Variants in TH observed in about 807,000 individuals in gnomAD.
The protein encoded by TH is tyrosine 3-monooxygenase.
In TH, 49 loss-of-function variants were observed where a neutral mutation model predicts 57.4. The observed-to-expected ratio is 0.85, with a 90% CI of 0.68 to 1.08. TH has a LOEUF of 1.08. Among genes scored for constraint, TH ranks in the 50% least tolerant of loss-of-function variants. The pLI is 0.00. For missense variants in TH, 720 were observed against 696.7 expected, an observed-to-expected ratio of 1.03 and a Z score of -0.38; for synonymous variants, 330 against 304.5, an observed-to-expected ratio of 1.08 and a Z score of -0.87.
At chr11:2,167,527 GAGA>G in intron 5 of TH, 42 bp from the exon 6 acceptor site, 1 of 1,547,202 alleles carries the variant, frequency 6.5e-7, no homozygotes, top group Middle Eastern at 1.7e-4. Flanking sequence ...CTCGGGGAGT[GAGA>G]AGGGCAGGAG....
chr11:2,168,815 C>T (rs1846174686), intron 2 of TH, 150 bp from the exon 3 acceptor site: 2 of 1,013,980 alleles, frequency 2.0e-6, no homozygotes, highest in Middle Eastern at 2.9e-4. Flanking sequence ...TCCCGTTCTT[C>T]CAGGCTCAGG....
At position 2,167,430 on chromosome 11, in the gene TH, C is replaced by A; in HGVS notation, c.695+5G>T. 6.4e-7 allele frequency: 1 copy of A among 1,560,498 alleles called. No homozygotes were observed. The highest frequency in any genetic ancestry group is 1.9e-5 in the Admixed American group (1 of 52,256). Reference sequence around the variant, plus strand: ...CCCCAGCCCCTAGCTGCACGGAGGTCTCACCAGGTGGCAATCTCCTCGGCG... The same window carrying A: ...CCCCAGCCCCTAGCTGCACGGAGGTATCACCAGGTGGCAATCTCCTCGGCG... On this transcript the variant is annotated splice_donor_5th_base_variant and intron_variant, in intron 6 of 12. Coordinates refer to ENST00000352909, the MANE Select transcript of TH (RefSeq NM_000360.4).
chr11:2,168,839 AC>A, intron 2 of TH, 174 bp from the exon 3 acceptor site: 1 of 838,534 alleles, frequency 1.2e-6, no homozygotes, highest in East Asian at 2.7e-5. Context: ...GCTGTCGGCC[AC>A]CAGGCCAGGG....
Position 2,166,985 on chromosome 11 carries a change from C to T in TH, c.743G>A (p.Cys248Tyr). 1 of 1,591,974 alleles carries T rather than the reference C, an allele frequency of 6.3e-7. No individual in the cohort carries two copies. The highest frequency in any genetic ancestry group is 1.1e-5 in the South Asian group (1 of 87,646). The change falls in exon 7 of 13, where the codon TGC becomes TAC. Residue 248 changes from cysteine (C) to tyrosine (Y), a missense_variant. Transcript: ENST00000352909. ...TLKGLYATHA[C>Y]GEHLEAFALL... ...AGCAAAGGCCTCCAGGTGCTCCCCG[C>T]AGGCGTGCGTGGCGTAGAGGCCCTT...
chr11:2,165,163 C>A, intron 12 of TH, 69 bp downstream of exon 12: 2 of 1,610,504 alleles, frequency 1.2e-6, no homozygotes. Flanking sequence ...CTGCTCAAGG[C>A]CAGAAGGAAG....
chr11:2,165,444 G>C, intron 11 of TH, 79 bp from the exon 12 acceptor site: 1 of 1,592,886 alleles, frequency 6.3e-7, no homozygotes, highest in Non-Finnish European at 8.5e-7. Flanking sequence ...GCCTGACGCT[G>C]GGTGGGTTCC....
rs1428852116 is a variant in TH, at chr11:2,170,525, CAG to C, written c.91-656_91-655del. 6.6e-6 allele frequency among the ~76,000 whole-genome samples: 1 copy of C among 152,188 alleles called. No individual in the cohort carries two copies. On this transcript the variant is annotated intron_variant, in intron 1 of 12. Coordinates refer to ENST00000352909, the MANE Select transcript of TH (RefSeq NM_000360.4). The surrounding 1 kb of genome is among the most constrained non-coding windows in gnomAD (Gnocchi z 6.0). ...ATCCCAGAGCCGTCCCAGGCCTGGA[CAG>C]AGGGGGACTTGGCAGACACCTGGGG...
chr11:2,165,551 A>C, intron 11 of TH, 117 bp downstream of exon 11: 1 of 1,359,316 alleles, frequency 7.4e-7, no homozygotes, highest in Non-Finnish European at 1.0e-6. Context: ...TCCCAAACAG[A>C]GCCTGAGTCC....
chr11:2,164,849 C>A (rs903195513), intron 12 of TH, among the ~76,000 whole-genome samples: 2 of 152,126 alleles, frequency 1.3e-5, no homozygotes, highest in African/African-American at 4.8e-5. Flanking sequence ...GCACCAAAGG[C>A]CCCCAGCCCT....
At chr11:2,166,216 G>A (rs1036100945) in intron 9 of TH, 158 bp from the exon 10 acceptor site, 125 of 914,020 alleles carry the variant, frequency 1.4e-4, no homozygotes, top group Non-Finnish European at 1.1e-4. Context: ...CCTCCACCGG[G>A]CCTCCTCCTC....
chr11:2,171,141 A>G lies in TH; in HGVS notation c.90+556T>C, dbSNP rs1192735575. 6.6e-6 allele frequency among the ~76,000 whole-genome samples: 1 copy of G among 151,894 alleles called. No individual in the cohort carries two copies. The highest frequency in any genetic ancestry group is 1.5e-5 in the Non-Finnish European group (1 of 67,956). On this transcript the variant is annotated intron_variant, in intron 1 of 12. Coordinates refer to ENST00000352909, the MANE Select transcript of TH (RefSeq NM_000360.4). The surrounding 1 kb of genome is among the most constrained non-coding windows in gnomAD (Gnocchi z 8.6). Reference sequence around the variant, plus strand: ...AGGGAAATAAGGGAGGAACAGGCCAATGGGAATCACCCCAGAGCCCAGATA... The same window carrying G: ...AGGGAAATAAGGGAGGAACAGGCCAGTGGGAATCACCCCAGAGCCCAGATA...
Position 2,170,633 on chromosome 11 carries a change from G to T in TH, c.91-762C>A, listed in dbSNP as rs968301811. 4.9e-6 allele frequency: 7 copies of T among 1,415,510 alleles called. No homozygotes were observed. The highest frequency in any genetic ancestry group is 5.9e-6 in the Non-Finnish European group (6 of 1,017,066). 87.7% of individuals were successfully genotyped at this position (1,415,510 alleles called of 1,614,324 possible). A position where few individuals can be genotyped will look rare whatever the true frequency, so the allele number is the denominator to read the frequency against. ...ATCAGCTTCATCCTGAGCTTCCAGG[G>T]TTGTGGAACATGAAGGGGAGCAGCA... On this transcript the variant is annotated intron_variant, in intron 1 of 12. Coordinates refer to ENST00000352909, the MANE Select transcript of TH (RefSeq NM_000360.4). The surrounding 1 kb of genome is among the most constrained non-coding windows in gnomAD (Gnocchi z 6.0).
In TH at chr11:2,165,679, C is replaced by T. The variant is rs1264884607; in HGVS notation, c.1189G>A (p.Gly397Arg). 5.6e-6 allele frequency: 9 copies of T among 1,612,590 alleles called. No individual in the cohort carries two copies. Among genetic ancestry groups the T allele is most frequent in the Admixed American group, 5.0e-5 (3 of 59,992 alleles). Residue 397 changes from glycine (G) to arginine (R), a missense_variant, in exon 11 of 13, where the codon GGG (glycine) becomes AGG (arginine). Physicochemically the swap from Gly to Arg is moderately radical, Grantham distance 125 (BLOSUM62 -2). Transcript: ENST00000352909. ...AYGAGLLSSY[G>R]ELLHCLSEEP... ...GGAGAGACTCTCACCAGGAGCTCCC[C>T]GTAGGAGGACAGCAGCCCGGCACCA...
In TH at chr11:2,166,989, C is replaced by G. The variant is rs373283527; in HGVS notation, c.739G>C (p.Ala247Pro). 2.1e-5 allele frequency: 33 copies of G among 1,590,090 alleles called. No individual in the cohort carries two copies. The highest frequency in any genetic ancestry group is 2.8e-5 in the Non-Finnish European group (33 of 1,168,822). The change falls in exon 7 of 13, where the codon GCC becomes CCC. Residue 247 changes from alanine to proline, a missense_variant. Ala to Pro is a conservative substitution (Grantham distance 27). Coordinates refer to ENST00000352909, the MANE Select transcript of TH (RefSeq NM_000360.4). ...AAGGCCTCCAGGTGCTCCCCGCAGG[C>G]GTGCGTGGCGTAGAGGCCCTTCAGC... Reference protein sequence around the residue: ...TTLKGLYATHACGEHLEAFAL... With the variant: ...TTLKGLYATHPCGEHLEAFAL...
Position 2,166,786 on chromosome 11 carries a change from G to A in TH, c.842-18C>T. On this transcript the variant is annotated intron_variant, in intron 7 of 12. Coordinates refer to ENST00000352909, the MANE Select transcript of TH (RefSeq NM_000360.4). ...CGTGCGCTCTGCAAGGGGCCACGCGGGTCACTGCCGAGCCGGGACGGGCTG... is the reference window on the plus strand; with the variant it reads ...CGTGCGCTCTGCAAGGGGCCACGCGAGTCACTGCCGAGCCGGGACGGGCTG... 1 of 1,547,818 alleles carries A rather than the reference G, an allele frequency of 6.5e-7. No homozygotes were observed. Among genetic ancestry groups the A allele is most frequent in the Non-Finnish European group, 8.7e-7 (1 of 1,145,648 alleles).
Position 2,166,913 on chromosome 11 carries a change from A to C in TH, c.815T>G (p.Leu272Arg), listed in dbSNP as rs775410637. Residue 272 changes from leucine (L) to arginine (R), a missense_variant, in exon 7 of 13, where the codon CTG (leucine) becomes CGG (arginine). Leu to Arg is a moderately radical substitution (Grantham distance 102). Transcript: ENST00000352909. ...SGYREDNIPQ[L>R]EDVSRFLKER... ...CTTCAGGAAGCGGGAGACGTCCTCC[A>C]GCTGGGGGATATTGTCTTCCCGGTA... is the stretch of plus-strand genomic sequence containing the variant. 1 of 1,604,588 alleles carries C rather than the reference A, an allele frequency of 6.2e-7. No individual in the cohort carries two copies. The highest frequency in any genetic ancestry group is 8.5e-7 in the Non-Finnish European group (1 of 1,176,690).
rs1003627589 is a variant in TH at position 2,170,566 on chromosome 11, G to A, written c.91-695C>T. 2 of 893,960 alleles carry A rather than the reference G, an allele frequency of 2.2e-6. No homozygotes were observed. Among genetic ancestry groups the A allele is most frequent in the Non-Finnish European group, 3.6e-6 (2 of 555,564 alleles). The allele number at this position is 893,960 out of a possible 1,614,324, so 55.4% of individuals were successfully genotyped here. A position where few individuals can be genotyped will look rare whatever the true frequency, so the allele number is the denominator to read the frequency against. On this transcript the variant is annotated intron_variant, in intron 1 of 12. Transcript: ENST00000352909. The surrounding 1 kb of genome is among the most constrained non-coding windows in gnomAD (Gnocchi z 6.0). ...AGACACCTGGGGCTCATCCCTTGGA[G>A]CTGAACTCCCAAGAAGGCTCTGGGC...
At position 2,165,364 on chromosome 11, in the gene TH, T is replaced by C; in HGVS notation, c.1202A>G (p.His401Arg). 6.2e-7 allele frequency: 1 copy of C among 1,609,856 alleles called. No individual in the cohort carries two copies. Among genetic ancestry groups the C allele is most frequent in the Non-Finnish European group, 8.5e-7 (1 of 1,179,972 alleles). The change falls in exon 12 of 13, where the codon CAC becomes CGC. Residue 401 changes from histidine to arginine, a missense_variant and splice_region_variant. Physicochemically the swap from His to Arg is conservative, Grantham distance 29. Transcript: ENST00000352909. ...AATCTCAGGCTCCTCAGACAGGCAG[T>C]GCTGGCAGGAGGCCAATGGCATCAC... ...GLLSSYGELL[H>R]CLSEEPEIRA...
chr11:2,167,498 C>T lies in TH; in HGVS notation c.645-13G>A. 1 of 1,555,544 alleles carries T rather than the reference C, an allele frequency of 6.4e-7. No individual in the cohort carries two copies. Among genetic ancestry groups the T allele is most frequent in the Non-Finnish European group, 8.7e-7 (1 of 1,149,652 alleles). On this transcript the variant is annotated splice_polypyrimidine_tract_variant and intron_variant, in intron 5 of 12. Coordinates refer to ENST00000352909, the MANE Select transcript of TH (RefSeq NM_000360.4). Reference sequence around the variant, plus strand: ...AATCGGGTCGCCGCTGGGGAGGGGGCCAGTGGTCAGCAGGTCCCCTCGGGG... The same window carrying T: ...AATCGGGTCGCCGCTGGGGAGGGGGTCAGTGGTCAGCAGGTCCCCTCGGGG...
Sources: allele counts gnomAD v4.1 joint callset (sites outside exome capture counted in the v4.1 genomes callset), GRCh38; gene constraint gnomAD v4.1.1; non-coding constraint Gnocchi (gnomAD v3.1); transcripts MANE v1.5; gene names NCBI Gene and HGNC (gene_info 2026-07-23, HGNC 2026-07-21).